The following MGAT3 variants were observed in gnomAD, a reference collection of about 807,000 sequenced individuals.
The protein encoded by MGAT3 is GlcNAc-T III.
In MGAT3, 9 loss-of-function variants were observed where a neutral mutation model predicts 29.8. That is an observed-to-expected ratio of 0.30 (90% CI 0.18 to 0.53). MGAT3 has a LOEUF of 0.53. Ranked by LOEUF, MGAT3 falls within the 20% of genes least tolerant of loss-of-function variation. The pLI is 0.96. For missense variants in MGAT3, 557 were observed against 769.5 expected, an observed-to-expected ratio of 0.72 and a Z score of 3.27; for synonymous variants, 397 against 348.9, an observed-to-expected ratio of 1.14 and a Z score of -1.54.
intron 1 of MGAT3, among the ~76,000 whole-genome samples, chr22:39,471,575 G>A (rs1296476564): frequency 3.1e-5 from 3 of 97,192 alleles, no homozygotes; most frequent in African/African-American, 7.9e-5. Flanking sequence ...TCCTACCCCC[G>A]CCCTTCCGGC....
At chr22:39,463,706 G>T (rs1351832175) in intron 1 of MGAT3, among the ~76,000 whole-genome samples, 1 of 151,976 alleles carries the variant, frequency 6.6e-6, no homozygotes. Flanking sequence ...GAGTCCAGGA[G>T]TCCGAGACCA....
intron 1 of MGAT3, among the ~76,000 whole-genome samples, chr22:39,462,387 A>G (rs1046922225): frequency 1.3e-5 from 2 of 152,214 alleles, no homozygotes; most frequent in African/African-American, 4.8e-5. Flanking sequence ...GTGCAGATGG[A>G]TGGATGAATG....
At chr22:39,473,786 G>C (rs887232410) in intron 1 of MGAT3, among the ~76,000 whole-genome samples, 1 of 149,298 alleles carries the variant, frequency 6.7e-6, no homozygotes, top group Admixed American at 6.7e-5. Context: ...GGTGATCGGG[G>C]CTAGGGGAAA....
chr22:39,471,517 C>G (rs1016678734), intron 1 of MGAT3, among the ~76,000 whole-genome samples: 1 of 152,148 alleles, frequency 6.6e-6, no homozygotes, highest in African/African-American at 2.4e-5. Context: ...CCTCACCCCA[C>G]TCCAACCTCC....
chr22:39,478,233 G>A (rs912492043), intron 1 of MGAT3, among the ~76,000 whole-genome samples: 3 of 152,242 alleles, frequency 2.0e-5, no homozygotes, highest in Admixed American at 6.5e-5. Flanking sequence ...TGGGGGCAGT[G>A]GATGGGCTAC....
intron 1 of MGAT3, among the ~76,000 whole-genome samples, chr22:39,468,602 G>A (rs1928720857): frequency 6.6e-6 from 1 of 152,256 alleles, no homozygotes; most frequent in Admixed American, 6.5e-5. Context: ...AAAGCAGGCA[G>A]GACTAGGACC....
chr22:39,470,407 T>G (rs1321874417), intron 1 of MGAT3, among the ~76,000 whole-genome samples: 1 of 151,388 alleles, frequency 6.6e-6, no homozygotes, highest in Admixed American at 6.6e-5. Context: ...AGGTGGGGAG[T>G]GTGGCTGGAG....
At position 39,470,162 on chromosome 22, in the gene MGAT3, G is replaced by A. The variant is rs568246112; in HGVS notation, c.-2+12605G>A. ...GTGGCCTCGCCAGCAGGGTGAGGGCGGGGCAGACGTAAACAACAAAGTGGG... is the reference window on the plus strand; with the variant it reads ...GTGGCCTCGCCAGCAGGGTGAGGGCAGGGCAGACGTAAACAACAAAGTGGG... On this transcript the variant is annotated intron_variant, in intron 1 of 1. Transcript: ENST00000341184. Among the ~76,000 whole-genome samples the A allele has an allele frequency of 6.8e-4, 103 of 152,308 alleles. 2 individuals carry two copies. The highest frequency in any genetic ancestry group is 3.4e-3 in the Middle Eastern group (1 of 294).
In MGAT3 at chr22:39,487,454, G is replaced by A. The variant is rs1929307914; in HGVS notation, c.107G>A (p.Arg36Gln). Reference protein sequence around the residue: ...FKTLSYVTFPRELASLSPNLV... With the variant: ...FKTLSYVTFPQELASLSPNLV... ...ACCCTGTCCTATGTCACCTTCCCCC[G>A]AGAACTGGCCTCCCTCAGCCCTAAC... The change falls in exon 2 of 2, where the codon CGA becomes CAA. Residue 36 changes from arginine (R) to glutamine (Q), a missense_variant. Around this residue, in one of 3 missense-constraint regions of MGAT3, gnomAD observed 212 missense variants for 228.5 expected, o/e 0.93. Coordinates refer to ENST00000341184, the MANE Select transcript of MGAT3 (RefSeq NM_002409.5). This position sits in a 1 kb window ranked among gnomAD's most constrained non-coding sequence, Gnocchi z 5.7. 6.2e-7 allele frequency: 1 copy of A among 1,613,364 alleles called. No individual in the cohort carries two copies. The highest frequency in any genetic ancestry group is 1.7e-5 in the Admixed American group (1 of 59,974).
chr22:39,473,628 C>T (rs1928871858), intron 1 of MGAT3, among the ~76,000 whole-genome samples: 1 of 152,134 alleles, frequency 6.6e-6, no homozygotes, highest in African/African-American at 2.4e-5. Context: ...CAAGGGGAAG[C>T]TGTGGACACA....
intron 1 of MGAT3, among the ~76,000 whole-genome samples, chr22:39,470,648 C>G (rs965677817): frequency 6.6e-6 from 1 of 152,130 alleles, no homozygotes; most frequent in Non-Finnish European, 1.5e-5. Flanking sequence ...GAGGTCCATC[C>G]TGGGAGCATT....
At chr22:39,460,967 G>T (rs764331781) in intron 1 of MGAT3, among the ~76,000 whole-genome samples, 1 of 151,958 alleles carries the variant, frequency 6.6e-6, no homozygotes, top group Non-Finnish European at 1.5e-5. Flanking sequence ...TGTTGTTTAC[G>T]TGTCCCTGAT....
chr22:39,478,118 G>C (rs1205086517), intron 1 of MGAT3, among the ~76,000 whole-genome samples: 1 of 152,262 alleles, frequency 6.6e-6, no homozygotes, highest in African/African-American at 2.4e-5. Context: ...ACCAGGCCGG[G>C]TGGAAGGTGA....
At chr22:39,475,442 G>T (rs1928930896) in intron 1 of MGAT3, among the ~76,000 whole-genome samples, 1 of 152,070 alleles carries the variant, frequency 6.6e-6, no homozygotes, top group South Asian at 2.1e-4. Flanking sequence ...CCCTCCCGAG[G>T]TCTCCTTCTG....
At chr22:39,479,255 C>T (rs1188125069) in intron 1 of MGAT3, among the ~76,000 whole-genome samples, 2 of 152,240 alleles carry the variant, frequency 1.3e-5, no homozygotes, top group African/African-American at 4.8e-5. Context: ...GGGAGGATCA[C>T]TTGAACCCAG....
chr22:39,487,353 G>A lies in MGAT3; in HGVS notation c.6G>A (p.Lys2=). M[K]MRRYKLFLMF... ...GTCTCTCTCTCTCCCGCAGGATGAA[G>A]ATGAGACGCTACAAGCTCTTTCTCA... Residue 2 remains lysine (K), a synonymous_variant, in exon 2 of 2, where the codon AAG becomes AAA. Coordinates refer to ENST00000341184, the MANE Select transcript of MGAT3 (RefSeq NM_002409.5). The surrounding 1 kb of genome is among the most constrained non-coding windows in gnomAD (Gnocchi z 5.7). 1 of 1,611,898 alleles carries A rather than the reference G, an allele frequency of 6.2e-7. No individual in the cohort carries two copies.
chr22:39,474,193 C>T (rs1179695787), intron 1 of MGAT3, among the ~76,000 whole-genome samples: 1 of 152,102 alleles, frequency 6.6e-6, no homozygotes, highest in African/African-American at 2.4e-5. Flanking sequence ...GGGGTGCTCA[C>T]ATGGTTTCAG....
intron 1 of MGAT3, among the ~76,000 whole-genome samples, chr22:39,459,509 GC>G (rs1928439337): frequency 6.6e-6 from 1 of 152,186 alleles, no homozygotes; most frequent in African/African-American, 2.4e-5. Flanking sequence ...TGTGATCCAA[GC>G]TGGAGTGCAG....
intron 1 of MGAT3, among the ~76,000 whole-genome samples, chr22:39,484,212 G>A (rs191699387): frequency 2.0e-5 from 3 of 152,298 alleles, no homozygotes; most frequent in Admixed American, 2.0e-4. Flanking sequence ...TGTGCCTTAC[G>A]ACCATGTGGC....
Sources: gnomAD v4.1 joint callset for allele counts (sites outside exome capture counted in the v4.1 genomes callset) on GRCh38, gnomAD v4.1.1 for gene constraint, gnomAD v4.1.1 regional missense constraint, Gnocchi (gnomAD v3.1) non-coding constraint, MANE v1.5 for transcripts, NCBI Gene and HGNC (gene_info 2026-07-23, HGNC 2026-07-21) for gene names.